The following HEMK2 variants were observed in gnomAD, a reference collection of about 807,000 sequenced individuals.
HEMK2 encodes the protein methyltransferase HEMK2.
At chr21:28,692,289 A>G in the HEMK2 span, among the ~76,000 whole-genome samples, 1 of 152,172 alleles carries the variant, frequency 6.6e-6, no homozygotes, top group Non-Finnish European at 1.5e-5. Context: ...ATACTAATGG[A>G]AGCAAAAGAA....
chr21:28,834,319 C>T, the HEMK2 span, among the ~76,000 whole-genome samples: 2 of 152,212 alleles, frequency 1.3e-5, no homozygotes, highest in East Asian at 1.9e-4. Context: ...GGAGACCCCC[C>T]AAAACTGTGA....
At chr21:28,661,088 T>C in the HEMK2 span, among the ~76,000 whole-genome samples, 1 of 152,138 alleles carries the variant, frequency 6.6e-6, no homozygotes, top group Non-Finnish European at 1.5e-5. Context: ...ACATTATTTG[T>C]GCCTTCTCTA....
chr21:28,835,290 A>C, the HEMK2 span, among the ~76,000 whole-genome samples: 1 of 152,160 alleles, frequency 6.6e-6, no homozygotes. Flanking sequence ...CATGGCTGAG[A>C]GACACATAGA....
chr21:28,673,259 T>C, the HEMK2 span, among the ~76,000 whole-genome samples: 4 of 152,080 alleles, frequency 2.6e-5, no homozygotes, highest in African/African-American at 9.7e-5. Context: ...AAATGCATGA[T>C]AGTGTTTTAG....
At chr21:28,846,640 T>TA in the HEMK2 span, among the ~76,000 whole-genome samples, 1 of 151,090 alleles carries the variant, frequency 6.6e-6, no homozygotes, top group African/African-American at 2.4e-5. Flanking sequence ...CAATTTTTTT[T>TA]AACCTTTATT....
chr21:28,626,338 C>T, the HEMK2 span, among the ~76,000 whole-genome samples: 2 of 151,980 alleles, frequency 1.3e-5, no homozygotes, highest in African/African-American at 4.8e-5. Context: ...GCTAGAACAA[C>T]TACTAAATAT....
chr21:28,648,365 A>G, the HEMK2 span, among the ~76,000 whole-genome samples: 2 of 152,172 alleles, frequency 1.3e-5, no homozygotes, highest in Admixed American at 1.3e-4. Flanking sequence ...TTTTGGCTCA[A>G]TAGAAATACC....
At chr21:28,649,514 G>A in the HEMK2 span, among the ~76,000 whole-genome samples, 9 of 152,300 alleles carry the variant, frequency 5.9e-5, no homozygotes, top group Admixed American at 2.0e-4. Flanking sequence ...TTTCCCACAA[G>A]TAGAGTATAT....
chr21:28,692,680 C>T, the HEMK2 span, among the ~76,000 whole-genome samples: 1 of 151,962 alleles, frequency 6.6e-6, no homozygotes, highest in Non-Finnish European at 1.5e-5. Context: ...AAATGTAAAA[C>T]ATGATCTATG....
At chr21:28,715,299 C>T in the HEMK2 span, among the ~76,000 whole-genome samples, 1 of 152,072 alleles carries the variant, frequency 6.6e-6, no homozygotes, top group East Asian at 1.9e-4. Context: ...TTGCAAGCAT[C>T]TGTTATTTTT....
chr21:28,651,277 T>A, the HEMK2 span, among the ~76,000 whole-genome samples: 1 of 152,182 alleles, frequency 6.6e-6, no homozygotes, highest in Non-Finnish European at 1.5e-5. Context: ...AAATTATGGA[T>A]AAAGAATGTA....
the HEMK2 span, among the ~76,000 whole-genome samples, chr21:28,831,638 A>AAGGAAG: frequency 6.0e-5 from 2 of 33,122 alleles, 1 homozygote; most frequent in African/African-American, 3.2e-4. Flanking sequence ...AAGGAAGGAA[A>AAGGAAG]GAAAGAAAGA....
chr21:28,595,640 G>A, the HEMK2 span, among the ~76,000 whole-genome samples: 1 of 152,128 alleles, frequency 6.6e-6, no homozygotes. Context: ...AGAAATATGG[G>A]AGTGCACATA....
chr21:28,656,956 T>C, the HEMK2 span, among the ~76,000 whole-genome samples: 2 of 152,202 alleles, frequency 1.3e-5, no homozygotes, highest in South Asian at 4.1e-4. Context: ...TACAATAATA[T>C]TTGTGACAAT....
the HEMK2 span, among the ~76,000 whole-genome samples, chr21:28,648,164 A>C: frequency 6.6e-6 from 1 of 152,238 alleles, no homozygotes; most frequent in Non-Finnish European, 1.5e-5. Context: ...TTATGACAGC[A>C]GCTTAAAAAT....
At chr21:28,635,559 G>T in the HEMK2 span, among the ~76,000 whole-genome samples, 1 of 152,062 alleles carries the variant, frequency 6.6e-6, no homozygotes, top group African/African-American at 2.4e-5. Flanking sequence ...TAGGCAGCAG[G>T]CTCCATTCAT....
chr21:28,749,543 C>T, the HEMK2 span, among the ~76,000 whole-genome samples: 1 of 146,854 alleles, frequency 6.8e-6, no homozygotes. Context: ...TACAAAATTC[C>T]TAACAGCCCT....
chr21:28,622,013 G>C, the HEMK2 span, among the ~76,000 whole-genome samples: 2 of 151,316 alleles, frequency 1.3e-5, no homozygotes, highest in Admixed American at 1.3e-4. Flanking sequence ...GCTTTTTTTT[G>C]CTTTCCATTT....
At chr21:28,590,328 G>A in the HEMK2 span, among the ~76,000 whole-genome samples, 1 of 151,922 alleles carries the variant, frequency 6.6e-6, no homozygotes, top group Non-Finnish European at 1.5e-5. Flanking sequence ...ACATGGTGTT[G>A]GAATGACCAC....
Sources: allele counts gnomAD v4.1 joint callset (sites outside exome capture counted in the v4.1 genomes callset), GRCh38; gene constraint gnomAD v4.1.1; transcripts MANE v1.5; gene names NCBI Gene and HGNC (gene_info 2026-07-23, HGNC 2026-07-21).